LARS2: variants seen among roughly 807,000 people sequenced by gnomAD.
LARS2 encodes leucine--tRNA ligase, mitochondrial.
In LARS2, 81 loss-of-function variants were observed where a neutral mutation model predicts 116.6. The observed-to-expected ratio is 0.69, with a 90% CI of 0.58 to 0.84. LARS2 has a LOEUF of 0.84. Among genes scored for constraint, LARS2 ranks in the 40% least tolerant of loss-of-function variants. LARS2 has a pLI of 0.00. For synonymous variants in LARS2, 396 were observed against 407.2 expected, an observed-to-expected ratio of 0.97 and a Z score of 0.33; for missense variants, 968 against 1,114.5, an observed-to-expected ratio of 0.87 and a Z score of 1.87.
intron 19 of LARS2, 131 bp downstream of exon 19, chr3:45,520,427 T>C (rs1700434956): frequency 1.6e-6 from 1 of 630,946 alleles, no homozygotes. Flanking sequence ...TTGATTATCT[T>C]AAGGAAACAT....
At chr3:45,508,471 A>G (rs772396128) in intron 15 of LARS2, among the ~76,000 whole-genome samples, 2 of 152,130 alleles carry the variant, frequency 1.3e-5, no homozygotes, top group Non-Finnish European at 2.9e-5. Flanking sequence ...AACTAGGCTA[A>G]TTATGTGACA....
At chr3:45,455,464 T>C (rs1190940965) in intron 7 of LARS2, among the ~76,000 whole-genome samples, 1 of 152,100 alleles carries the variant, frequency 6.6e-6, no homozygotes, top group Non-Finnish European at 1.5e-5. Context: ...ACTGTCTACA[T>C]TACTAAGCAG....
chr3:45,439,593 G>A (rs537650878), intron 6 of LARS2, among the ~76,000 whole-genome samples: 2 of 151,452 alleles, frequency 1.3e-5, no homozygotes, highest in East Asian at 3.9e-4. Context: ...CTGTTGCCAC[G>A]AAGGTGGGTT....
chr3:45,394,804 T>C, intron 3 of LARS2, 117 bp downstream of exon 3: 1 of 665,744 alleles, frequency 1.5e-6, no homozygotes, highest in Non-Finnish European at 2.6e-6. Flanking sequence ...ACCAAATTGT[T>C]GAATTTCTCT....
At chr3:45,505,944 A>G (rs943069263) in intron 15 of LARS2, among the ~76,000 whole-genome samples, 1 of 152,074 alleles carries the variant, frequency 6.6e-6, no homozygotes, top group Non-Finnish European at 1.5e-5. Flanking sequence ...CTGCATGCTG[A>G]TGTAATTTTA....
chr3:45,511,782 T>A (rs1479216171), intron 15 of LARS2, among the ~76,000 whole-genome samples: 1 of 141,950 alleles, frequency 7.0e-6, no homozygotes, highest in Non-Finnish European at 1.5e-5. Context: ...TTTTTTTTTT[T>A]TTTTTTTTTT....
intron 7 of LARS2, among the ~76,000 whole-genome samples, chr3:45,450,712 T>A (rs1428037198): frequency 6.6e-6 from 1 of 152,212 alleles, no homozygotes; most frequent in African/African-American, 2.4e-5. Context: ...TAATCCTGAT[T>A]TCAATTCCTT....
At chr3:45,525,422 T>G (rs1700517875) in intron 20 of LARS2, among the ~76,000 whole-genome samples, 1 of 152,198 alleles carries the variant, frequency 6.6e-6, no homozygotes, top group South Asian at 2.1e-4. Flanking sequence ...AGTTTCTGAC[T>G]TTAAGCATCA....
In LARS2 at chr3:45,400,387, C is replaced by A. The variant is rs376129780; in HGVS notation, c.363+14C>A. The stretch of plus-strand genomic sequence containing the variant: ...AGAGGGATGCAGGTAAGAACAGGTG[C>A]CTGCTGGAGCAGCCCTTGTCTGCCA... On this transcript the variant is annotated intron_variant, in intron 4 of 21. Transcript: ENST00000645846. 6.3e-7 allele frequency: 1 copy of A among 1,589,482 alleles called. No individual in the cohort carries two copies. The highest frequency in any genetic ancestry group is 2.3e-5 in the East Asian group (1 of 44,368).
At chr3:45,526,666 C>T (rs1355291169) in intron 20 of LARS2, among the ~76,000 whole-genome samples, 3 of 152,034 alleles carry the variant, frequency 2.0e-5, no homozygotes. Flanking sequence ...AGCGTGTCTC[C>T]AAGAAGTAAC....
chr3:45,477,112 CAG>C (rs1319565108), intron 10 of LARS2, among the ~76,000 whole-genome samples: 2 of 152,200 alleles, frequency 1.3e-5, no homozygotes, highest in Non-Finnish European at 2.9e-5. Context: ...CTGCTCCATA[CAG>C]AGTTTTAACA....
chr3:45,500,754 C>G (rs1486510980), intron 15 of LARS2, among the ~76,000 whole-genome samples, 175 bp downstream of exon 15: 1 of 152,168 alleles, frequency 6.6e-6, no homozygotes, highest in Non-Finnish European at 1.5e-5. Flanking sequence ...GTAGTCAGTT[C>G]TGGCATGTGA....
chr3:45,394,534 G>A lies in LARS2; in HGVS notation c.81G>A (p.Lys27=). ...RQLNGGPDVI[K]WERRVIPGCT... The stretch of plus-strand genomic sequence containing the variant: ...TAAATGGTGGGCCAGATGTCATCAA[G>A]TGGGAAAGGAGAGTAATTCCCGGAT... Residue 27 remains lysine, a synonymous_variant, in exon 3 of 22, where the codon AAG becomes AAA. Transcript: ENST00000645846. 6 of 1,614,202 alleles carry A rather than the reference G, an allele frequency of 3.7e-6. No individual in the cohort carries two copies. The highest frequency in any genetic ancestry group is 5.1e-6 in the Non-Finnish European group (6 of 1,180,030).
At chr3:45,402,935 A>G (rs368281719) in intron 4 of LARS2, among the ~76,000 whole-genome samples, 22 of 151,382 alleles carry the variant, frequency 1.5e-4, no homozygotes, top group African/African-American at 5.1e-4. Context: ...GAGAAACCCC[A>G]TCTCTACTAA....
intron 7 of LARS2, among the ~76,000 whole-genome samples, chr3:45,450,292 G>A (rs1256622582): frequency 6.6e-6 from 1 of 152,024 alleles, no homozygotes; most frequent in Non-Finnish European, 1.5e-5. Context: ...ATAAATTATT[G>A]TTAACTATAA....
Position 45,548,815 on chromosome 3 carries a change from A to G in LARS2, c.*1285A>G, listed in dbSNP as rs1289573100. 1 of 152,224 alleles carries G rather than the reference A, an allele frequency of 6.6e-6. No homozygotes were observed. Among genetic ancestry groups the G allele is most frequent in the African/African-American group, 2.4e-5 (1 of 41,440 alleles). The allele number at this position is 152,224 out of a possible 1,614,324, so 9.4% of individuals were successfully genotyped here. On this transcript the variant is annotated 3_prime_UTR_variant, in exon 22 of 22. Coordinates refer to ENST00000645846, the MANE Select transcript of LARS2 (RefSeq NM_015340.4). ...AGTTAACAGATGACTTTTTTAGTGTAATAAAATGTTTATCATCTATGACTT... is the reference window on the plus strand; with the variant it reads ...AGTTAACAGATGACTTTTTTAGTGTGATAAAATGTTTATCATCTATGACTT...
At chr3:45,514,461 A>C (rs10222632) in intron 16 of LARS2, among the ~76,000 whole-genome samples, 1,663 of 152,316 alleles carry the variant, frequency 0.011, 27 homozygotes, top group African/African-American at 0.038. Flanking sequence ...CCGTGGGAGA[A>C]AAAGAAGCTG....
intron 11 of LARS2, among the ~76,000 whole-genome samples, chr3:45,487,007 C>G (rs912166886): frequency 2.6e-5 from 4 of 152,056 alleles, no homozygotes; most frequent in African/African-American, 9.7e-5. Flanking sequence ...GCTTTTTGCC[C>G]TCCAAGAAGA....
chr3:45,394,132 G>A (rs183233411), intron 2 of LARS2, among the ~76,000 whole-genome samples: 3 of 152,282 alleles, frequency 2.0e-5, no homozygotes, highest in African/African-American at 7.2e-5. Context: ...GGGGAGGGAG[G>A]GCACTCCATG....
Sources: gnomAD v4.1 joint callset for allele counts (sites outside exome capture counted in the v4.1 genomes callset) on GRCh38, gnomAD v4.1.1 for gene constraint, MANE v1.5 for transcripts, NCBI Gene and HGNC (gene_info 2026-07-23, HGNC 2026-07-21) for gene names.